The following PJVK variants were observed in gnomAD, a reference collection of about 807,000 sequenced individuals.
The protein encoded by PJVK is pejvakin.
A neutral mutation model predicts 37.6 loss-of-function variants in PJVK; 33 were observed. That is an observed-to-expected ratio of 0.88 (90% CI 0.67 to 1.17). The LOEUF (loss-of-function observed/expected upper bound fraction) is 1.17. Ranked by LOEUF, PJVK falls within the 50% of genes most tolerant of loss-of-function variation. The pLI is 0.00. For missense variants in PJVK, 410 were observed against 413.8 expected (o/e 0.99, Z 0.08); for synonymous variants, 141 against 143.5 (o/e 0.98, Z 0.13).
At chr2:178,454,948 A>T (rs1212374862) in intron 3 of PJVK, 1 of 903,296 alleles carries the variant, frequency 1.1e-6, no homozygotes, top group Non-Finnish European at 1.9e-6. Flanking sequence ...CTGCCTGATT[A>T]CCGCTGGACC....
Position 178,461,321 on chromosome 2 carries a change from C to T in PJVK, c.*47C>T. 1 of 1,601,022 alleles carries T rather than the reference C, an allele frequency of 6.2e-7. No individual in the cohort carries two copies. Among genetic ancestry groups the T allele is most frequent in the South Asian group, 1.1e-5 (1 of 90,264 alleles). On this transcript the variant is annotated 3_prime_UTR_variant, in exon 7 of 7. Coordinates refer to ENST00000644580, the MANE Select transcript of PJVK (RefSeq NM_001042702.5). Reference sequence around the variant, plus strand: ...GTTGGTGTTTTAGGTGCAGTTGTGCCACAAACCTTCCCTAAATTATCTAGG... The same window carrying T: ...GTTGGTGTTTTAGGTGCAGTTGTGCTACAAACCTTCCCTAAATTATCTAGG...
rs746707460 is a variant in PJVK at position 178,456,017 on chromosome 2, A to G, written c.415A>G (p.Asn139Asp). 2 of 1,614,066 alleles carry G rather than the reference A, an allele frequency of 1.2e-6. No homozygotes were observed. The highest frequency in any genetic ancestry group is 8.5e-7 in the Non-Finnish European group (1 of 1,179,964). The change falls in exon 4 of 7, where the codon AAC (asparagine) becomes GAC (aspartate). Residue 139 changes from asparagine (N) to aspartate (D), a missense_variant. Physicochemically the swap from Asn to Asp is conservative, Grantham distance 23. Transcript: ENST00000644580. The stretch of plus-strand genomic sequence containing the variant: ...GTATCTTCTTTATTTTAGAAAAATT[A>G]ACTTTGACCACAGCTTGATACGTCA... ...LLKEITTRKINFDHSLIRQSR... is the reference protein window; with the variant it reads ...LLKEITTRKIDFDHSLIRQSR...
Position 178,460,450 on chromosome 2 carries a change from T to C in PJVK, c.766+4T>C, listed in dbSNP as rs546122874. 23 of 1,612,462 alleles carry C rather than the reference T, an allele frequency of 1.4e-5. No homozygotes were observed. The highest frequency in any genetic ancestry group is 2.0e-5 in the Non-Finnish European group (23 of 1,178,554). On this transcript the variant is annotated splice_donor_region_variant and intron_variant, in intron 6 of 6. Transcript: ENST00000644580. ...AGAAATATCCTATTTGAAAGAAGTA[T>C]GTTTATTGAAGAGTACTGTGAATGT... is the stretch of plus-strand genomic sequence containing the variant.
chr2:178,457,241 A>C (rs950786563), intron 4 of PJVK, among the ~76,000 whole-genome samples: 1 of 152,148 alleles, frequency 6.6e-6, no homozygotes, highest in Non-Finnish European at 1.5e-5. Flanking sequence ...CTGAATTTAT[A>C]TTTTTATATT....
At chr2:178,457,001 C>T (rs1018190692) in intron 4 of PJVK, among the ~76,000 whole-genome samples, 2 of 152,062 alleles carry the variant, frequency 1.3e-5, no homozygotes, top group Non-Finnish European at 2.9e-5. Context: ...CGGAGTCTCG[C>T]TCTGTCCCCG....
At chr2:178,455,192 T>G in intron 3 of PJVK, 10 of 1,586,318 alleles carry the variant, frequency 6.3e-6, no homozygotes, top group Non-Finnish European at 8.7e-6. Flanking sequence ...GATGGAGTGG[T>G]GGAGCCGCTT....
intron 4 of PJVK, among the ~76,000 whole-genome samples, chr2:178,456,659 C>G (rs922947168): frequency 3.3e-5 from 5 of 152,066 alleles, no homozygotes; most frequent in African/African-American, 9.7e-5. Context: ...CCAAGCCACT[C>G]AGGAAGCTGA....
Position 178,457,688 on chromosome 2 carries a change from G to A in PJVK, c.550-822G>A, listed in dbSNP as rs1007643655. ...CATCCAACTAGGGGCCCGGGGCCAC[G>A]GGCTCAGCTGACGACCATGGGCTTC... On this transcript the variant is annotated intron_variant, in intron 4 of 6. Transcript: ENST00000644580. 5.3e-5 allele frequency among the ~76,000 whole-genome samples: 8 copies of A among 152,270 alleles called. No individual in the cohort carries two copies. In the East Asian group the frequency reaches 7.7e-4, roughly 15 times the overall value.
At position 178,456,104 on chromosome 2, in the gene PJVK, C is replaced by A; in HGVS notation, c.502C>A (p.Gln168Lys). The A allele has an allele frequency of 6.2e-7, 1 of 1,614,156 alleles. No homozygotes were observed. Among genetic ancestry groups the A allele is most frequent in the Non-Finnish European group, 8.5e-7 (1 of 1,180,008 alleles). ...VVMESIRTTR[Q>K]CSLSVHAGIR... is the part of the protein sequence containing the mutation. ...CATGGAGAGCATCCGAACCACACGA[C>A]AGTGCTCACTGTCTGTGCATGCTGG... Residue 168 changes from glutamine (Q) to lysine (K), a missense_variant, in exon 4 of 7, where the codon CAG (glutamine) becomes AAG (lysine). Coordinates refer to ENST00000644580, the MANE Select transcript of PJVK (RefSeq NM_001042702.5).
chr2:178,454,316 G>A lies in PJVK; in HGVS notation c.212-16G>A. The A allele has an allele frequency of 6.3e-7, 1 of 1,599,770 alleles. No individual in the cohort carries two copies. Among genetic ancestry groups the A allele is most frequent in the African/African-American group, 1.3e-5 (1 of 74,574 alleles). ...GATAAAGATGTTTAAAAAATACTGA[G>A]TTTCTTCTTATAAAGGTATTTCATC... On this transcript the variant is annotated splice_polypyrimidine_tract_variant and intron_variant, in intron 2 of 6. Coordinates refer to ENST00000644580, the MANE Select transcript of PJVK (RefSeq NM_001042702.5).
intron 1 of PJVK, 102 bp downstream of exon 1, chr2:178,451,871 G>A (rs1697689160): frequency 2.0e-6 from 2 of 985,068 alleles, no homozygotes; most frequent in African/African-American, 3.5e-5. Context: ...AGCACCTTTG[G>A]TGGGCCATTA....
Position 178,461,791 on chromosome 2 carries a change from G to T in PJVK, c.*517G>T, listed in dbSNP as rs1253384315. 2.0e-5 allele frequency among the ~76,000 whole-genome samples: 3 copies of T among 151,918 alleles called. No individual in the cohort carries two copies. Among genetic ancestry groups the T allele is most frequent in the Non-Finnish European group, 4.4e-5 (3 of 67,980 alleles). On this transcript the variant is annotated 3_prime_UTR_variant, in exon 7 of 7. Coordinates refer to ENST00000644580, the MANE Select transcript of PJVK (RefSeq NM_001042702.5). ...GTAGAGACAGAGTTTTACCATCTTG[G>T]CCAGGCTGATCTTGAACTCCTGACC...
At chr2:178,455,446 C>T (rs1265987262) in intron 3 of PJVK, 10 of 1,354,208 alleles carry the variant, frequency 7.4e-6, no homozygotes, top group Non-Finnish European at 1.1e-5. Flanking sequence ...TTTTCCCTCC[C>T]TGAACTCTTG....
rs780754348 is a variant in PJVK at position 178,451,903 on chromosome 2, G to A, written c.-23+134G>A. The A allele has an allele frequency of 9.5e-5, 90 of 946,414 alleles. No individual in the cohort carries two copies. The Middle Eastern group carries it at 4.3e-3, about 45-fold the overall frequency. 58.6% of individuals were successfully genotyped at this position (946,414 alleles called of 1,614,324 possible). The stretch of plus-strand genomic sequence containing the variant: ...ATTAGATGACGTGTCGCTTCTCCAG[G>A]GGCTTGCTAGGCACTAGCAGAAATG... On this transcript the variant is annotated intron_variant, in intron 1 of 6. Transcript: ENST00000644580.
Position 178,452,712 on chromosome 2 carries a change from C to T in PJVK, c.-22-676C>T, listed in dbSNP as rs1697769605. On this transcript the variant is annotated intron_variant, in intron 1 of 6. Transcript: ENST00000644580. ...TTTCAAAGAGAGAGAGTCTGTGTGC[C>T]CAACTTCAGAGTAAGAAACCACTAG... 4 of 840,708 alleles carry T rather than the reference C, an allele frequency of 4.8e-6. No individual in the cohort carries two copies. The African/African-American group carries it at 5.5e-5, about 12-fold the overall frequency. The allele number at this position is 840,708 out of a possible 1,614,324, so 52.1% of individuals were successfully genotyped here.
intron 3 of PJVK, chr2:178,455,334 T>G: frequency 7.8e-7 from 1 of 1,284,376 alleles, no homozygotes; most frequent in Non-Finnish European, 1.1e-6. Context: ...TCCATGGGGC[T>G]GCCAACCTCA....
chr2:178,459,568 T>G (rs1684356442), intron 5 of PJVK, among the ~76,000 whole-genome samples: 1 of 152,188 alleles, frequency 6.6e-6, no homozygotes, highest in South Asian at 2.1e-4. Flanking sequence ...TTTTAGTTAT[T>G]TAAAAATGTA....
At position 178,461,784 on chromosome 2, in the gene PJVK, C is replaced by T. The variant is rs1379267065; in HGVS notation, c.*510C>T. On this transcript the variant is annotated 3_prime_UTR_variant, in exon 7 of 7. Coordinates refer to ENST00000644580, the MANE Select transcript of PJVK (RefSeq NM_001042702.5). ...ATTTTTAGTAGAGACAGAGTTTTAC[C>T]ATCTTGGCCAGGCTGATCTTGAACT... Among the ~76,000 whole-genome samples, 4 of 152,012 alleles carry T rather than the reference C, an allele frequency of 2.6e-5. No homozygotes were observed. Among genetic ancestry groups the T allele is most frequent in the Non-Finnish European group, 4.4e-5 (3 of 67,996 alleles).
chr2:178,460,313 C>G (rs1317082880), intron 5 of PJVK, 35 bp from the exon 6 acceptor site: 2 of 1,499,004 alleles, frequency 1.3e-6, no homozygotes, highest in Non-Finnish European at 1.9e-6. Context: ...ATGAATTATT[C>G]AAGTTATAAC....
Sources: allele counts gnomAD v4.1 joint callset (sites outside exome capture counted in the v4.1 genomes callset), GRCh38; gene constraint gnomAD v4.1.1; transcripts MANE v1.5; gene names NCBI Gene and HGNC (gene_info 2026-07-23, HGNC 2026-07-21).